The following PRKD1 variants were observed in gnomAD, a reference collection of about 807,000 sequenced individuals.
PRKD1 encodes protein kinase D1, also known as serine/threonine-protein kinase D1.
Under a neutral mutation model 95.9 loss-of-function variants are expected in PRKD1, and 63 were observed. The ratio of observed to expected loss-of-function variants is 0.66; its 90% CI spans 0.54 to 0.81. The LOEUF (loss-of-function observed/expected upper bound fraction) is 0.81. Ranked by LOEUF, PRKD1 falls within the 30% of genes least tolerant of loss-of-function variation. PRKD1 has a pLI of 0.00. For synonymous variants in PRKD1, 425 were observed against 423.1 expected (o/e 1.00, Z -0.05); for missense variants, 1,048 against 1,165.3 (o/e 0.90, Z 1.47).
At chr14:29,740,989 C>T (rs1422505751) in intron 1 of PRKD1, among the ~76,000 whole-genome samples, 1 of 152,162 alleles carries the variant, frequency 6.6e-6, no homozygotes, top group East Asian at 1.9e-4. Flanking sequence ...TTATCCTTAG[C>T]AAACTAACAC....
chr14:29,588,204 A>AT (rs1222583492), intron 16 of PRKD1, among the ~76,000 whole-genome samples: 5 of 152,018 alleles, frequency 3.3e-5, no homozygotes, highest in East Asian at 1.9e-4. Context: ...CAATGGGGTT[A>AT]TTTTTTTGTT....
At chr14:29,877,156 A>G (rs79566015) in intron 1 of PRKD1, among the ~76,000 whole-genome samples, 1 of 151,676 alleles carries the variant, frequency 6.6e-6, no homozygotes, top group Non-Finnish European at 1.5e-5. Flanking sequence ...AGTCTCAAAG[A>G]AAAAAAAAGA....
intron 13 of PRKD1, among the ~76,000 whole-genome samples, chr14:29,600,490 G>A (rs751849413): frequency 6.6e-6 from 1 of 152,082 alleles, no homozygotes; most frequent in Non-Finnish European, 1.5e-5. Flanking sequence ...GATATTTTTC[G>A]ATAAGTACAG....
chr14:29,817,017 T>C (rs1357592112), intron 1 of PRKD1, among the ~76,000 whole-genome samples: 1 of 152,204 alleles, frequency 6.6e-6, no homozygotes, highest in Non-Finnish European at 1.5e-5. Context: ...AGGATTACAA[T>C]TAATTTTTCC....
intron 4 of PRKD1, among the ~76,000 whole-genome samples, chr14:29,652,271 T>G (rs749431221): frequency 6.2e-4 from 94 of 152,288 alleles, no homozygotes; most frequent in African/African-American, 2.2e-3. Flanking sequence ...TTCAGAGCTG[T>G]TACTAAAAAT....
At chr14:29,629,323 A>T (rs1168118728) in intron 10 of PRKD1, among the ~76,000 whole-genome samples, 1 of 152,242 alleles carries the variant, frequency 6.6e-6, no homozygotes, top group African/African-American at 2.4e-5. Flanking sequence ...GTTTGGAGTC[A>T]GAAGGACTTG....
rs543334024 is a variant in PRKD1, at chr14:29,820,342, T to C, written c.265-94668A>G. Reference sequence around the variant, plus strand: ...CACAGGCTAAGCAGAAAAAAGCACATACATTCTGTAATTAAAATAGAATCT... The same window carrying C: ...CACAGGCTAAGCAGAAAAAAGCACACACATTCTGTAATTAAAATAGAATCT... On this transcript the variant is annotated intron_variant, in intron 1 of 17. Transcript: ENST00000331968. 2.0e-5 allele frequency among the ~76,000 whole-genome samples: 3 copies of C among 152,336 alleles called. No individual in the cohort carries two copies. In the East Asian group the frequency reaches 5.8e-4, roughly 29 times the overall value.
intron 2 of PRKD1, among the ~76,000 whole-genome samples, chr14:29,708,806 T>C (rs1272920867): frequency 6.6e-5 from 10 of 152,076 alleles, no homozygotes; most frequent in Non-Finnish European, 5.9e-5. Context: ...GAGGCTACAG[T>C]GAGCAATGTT....
At chr14:29,818,246 T>C (rs1239272402) in intron 1 of PRKD1, among the ~76,000 whole-genome samples, 2 of 152,216 alleles carry the variant, frequency 1.3e-5, no homozygotes, top group Non-Finnish European at 2.9e-5. Context: ...TGAGTTTAGC[T>C]GAGATGGCAG....
chr14:29,628,717 G>A (rs1879787740), intron 11 of PRKD1, among the ~76,000 whole-genome samples: 1 of 151,936 alleles, frequency 6.6e-6, no homozygotes, highest in Admixed American at 6.6e-5. Flanking sequence ...ATTTTATTTT[G>A]CTCATGTATT....
chr14:29,786,166 CCAT>C (rs1419423106), intron 1 of PRKD1, among the ~76,000 whole-genome samples: 5 of 152,126 alleles, frequency 3.3e-5, no homozygotes, highest in Non-Finnish European at 4.4e-5. Context: ...GTATGTTGAA[CCAT>C]CCTGGCATCC....
At chr14:29,685,419 G>A (rs1883800762) in intron 2 of PRKD1, among the ~76,000 whole-genome samples, 1 of 152,154 alleles carries the variant, frequency 6.6e-6, no homozygotes, top group Admixed American at 6.5e-5. Flanking sequence ...ATAGCACATT[G>A]AAATATCTGA....
intron 2 of PRKD1, among the ~76,000 whole-genome samples, chr14:29,692,610 T>C (rs1456736021): frequency 1.3e-5 from 2 of 152,098 alleles, no homozygotes; most frequent in Admixed American, 1.3e-4. Flanking sequence ...TTTCCTTTTG[T>C]AATTAAAGCT....
At chr14:29,783,352 T>C (rs542227340) in intron 1 of PRKD1, among the ~76,000 whole-genome samples, 68 of 152,346 alleles carry the variant, frequency 4.5e-4, no homozygotes, top group Admixed American at 9.2e-4. Context: ...GGCTAAATAG[T>C]GTTCTGTTGT....
chr14:29,630,019 T>G (rs200709479), intron 10 of PRKD1, among the ~76,000 whole-genome samples: 124 of 119,520 alleles, frequency 1.0e-3, no homozygotes, highest in South Asian at 3.8e-3. Context: ...TCCTTCTTCT[T>G]CTGCTTCTTC....
intron 10 of PRKD1, among the ~76,000 whole-genome samples, chr14:29,630,146 C>T (rs1439973224): frequency 6.6e-6 from 1 of 151,740 alleles, no homozygotes; most frequent in Non-Finnish European, 1.5e-5. Context: ...TAGATTTCTC[C>T]TCCTCCTTCT....
At chr14:29,688,190 G>T (rs1010627380) in intron 2 of PRKD1, among the ~76,000 whole-genome samples, 4 of 152,064 alleles carry the variant, frequency 2.6e-5, no homozygotes, top group African/African-American at 9.7e-5. Flanking sequence ...TCACCCTATG[G>T]TCCCTCTGAT....
chr14:29,729,644 T>C (rs972519993), intron 1 of PRKD1, among the ~76,000 whole-genome samples: 7 of 152,048 alleles, frequency 4.6e-5, no homozygotes, highest in African/African-American at 1.7e-4. Context: ...CTATACTTAG[T>C]TTCATGGATT....
intron 1 of PRKD1, among the ~76,000 whole-genome samples, chr14:29,780,716 T>C (rs1271100942): frequency 6.6e-6 from 1 of 152,208 alleles, no homozygotes; most frequent in African/African-American, 2.4e-5. Context: ...TCAACCATCG[T>C]GGAAGACAGT....
Sources: gnomAD v4.1 joint callset for allele counts (sites outside exome capture counted in the v4.1 genomes callset) on GRCh38, gnomAD v4.1.1 for gene constraint, MANE v1.5 for transcripts, NCBI Gene and HGNC (gene_info 2026-07-23, HGNC 2026-07-21) for gene names.